The following CPNE8 variants were observed in gnomAD, a reference collection of about 807,000 sequenced individuals.
CPNE8 encodes copine-8.
In CPNE8, 45 loss-of-function variants were observed where a neutral mutation model predicts 81.5. That is an observed-to-expected ratio of 0.55 (90% CI 0.44 to 0.71). The LOEUF (loss-of-function observed/expected upper bound fraction) is 0.71. CPNE8 is among the 30% of genes least tolerant of loss of function. CPNE8 has a pLI of 0.00. For missense variants in CPNE8, 594 were observed against 672.1 expected (o/e 0.88, Z 1.28); for synonymous variants, 252 against 226.3 (o/e 1.11, Z -1.02).
chr12:38,837,480 A>G (rs1943402437), intron 5 of CPNE8, among the ~76,000 whole-genome samples: 1 of 152,142 alleles, frequency 6.6e-6, no homozygotes, highest in African/African-American at 2.4e-5. Flanking sequence ...GTCATCAGGT[A>G]TGGTAGGGAC....
At chr12:38,766,105 G>T (rs1376764262) in intron 8 of CPNE8, among the ~76,000 whole-genome samples, 1 of 152,086 alleles carries the variant, frequency 6.6e-6, no homozygotes, top group African/African-American at 2.4e-5. Flanking sequence ...TGATCCGCCT[G>T]CCTCGGCCTC....
chr12:38,818,049 G>T (rs1273818984), intron 6 of CPNE8, among the ~76,000 whole-genome samples: 1 of 152,098 alleles, frequency 6.6e-6, no homozygotes, highest in Non-Finnish European at 1.5e-5. Context: ...TGATGAAATG[G>T]GTATAATAAC....
intron 6 of CPNE8, among the ~76,000 whole-genome samples, chr12:38,797,892 C>T (rs553492365): frequency 3.3e-5 from 5 of 152,106 alleles, no homozygotes; most frequent in East Asian, 1.9e-4. Context: ...TCGAGAACTA[C>T]GTGAAGAATG....
chr12:38,824,679 A>G (rs1943161795), intron 6 of CPNE8, among the ~76,000 whole-genome samples: 1 of 152,348 alleles, frequency 6.6e-6, no homozygotes, highest in Admixed American at 6.5e-5. Flanking sequence ...AGGTACTTGG[A>G]TAATGCTACT....
chr12:38,675,667 A>G (rs1939271341), intron 18 of CPNE8, 50 bp downstream of exon 18: 1 of 1,153,918 alleles, frequency 8.7e-7, no homozygotes, highest in African/African-American at 1.5e-5. Context: ...AGCATGTTAC[A>G]TTAGATTAAA....
At chr12:38,671,394 T>C (rs1939173184) in intron 18 of CPNE8, among the ~76,000 whole-genome samples, 1 of 152,172 alleles carries the variant, frequency 6.6e-6, no homozygotes, top group Non-Finnish European at 1.5e-5. Context: ...TTTTCTGAAG[T>C]ACAATTTTTT....
chr12:38,840,729 A>G (rs573123177), intron 4 of CPNE8, among the ~76,000 whole-genome samples: 5 of 152,192 alleles, frequency 3.3e-5, no homozygotes, highest in African/African-American at 7.2e-5. Flanking sequence ...GGAAACAAAC[A>G]TATTTACATA....
intron 7 of CPNE8, among the ~76,000 whole-genome samples, chr12:38,770,590 G>A (rs941413142): frequency 6.6e-6 from 1 of 152,136 alleles, no homozygotes; most frequent in Non-Finnish European, 1.5e-5. Context: ...TAGGAAAAAT[G>A]CAGAACCTTT....
At position 38,848,707 on chromosome 12, in the gene CPNE8, A is replaced by G. The variant is rs111338151; in HGVS notation, c.187-45T>C. ...ATTTAAAATTAAACCTTGTACGGCT[A>G]CTTATTACAAGTATAGTACTTAATA... On this transcript the variant is annotated intron_variant, in intron 3 of 19. Transcript: ENST00000331366. 2.3e-5 allele frequency: 35 copies of G among 1,535,964 alleles called. 1 individual carries two copies. In the African/African-American group the frequency reaches 3.1e-4, roughly 14 times the overall value.
At chr12:38,700,936 A>G (rs1308388822) in intron 14 of CPNE8, among the ~76,000 whole-genome samples, 1 of 152,152 alleles carries the variant, frequency 6.6e-6, no homozygotes, top group Admixed American at 6.6e-5. Flanking sequence ...GCCATGTAGA[A>G]CTGTGAGTGA....
At chr12:38,854,169 A>C (rs1214962584) in intron 3 of CPNE8, among the ~76,000 whole-genome samples, 1 of 151,990 alleles carries the variant, frequency 6.6e-6, no homozygotes, top group Non-Finnish European at 1.5e-5. Context: ...GACTATAAAT[A>C]TCCAACTTGC....
intron 7 of CPNE8, among the ~76,000 whole-genome samples, chr12:38,774,195 TG>T (rs1329899503): frequency 6.6e-6 from 1 of 152,138 alleles, no homozygotes; most frequent in Non-Finnish European, 1.5e-5. Context: ...ACTCAACCTG[TG>T]TCTTGGTATC....
At chr12:38,845,818 A>G (rs1179886151) in intron 4 of CPNE8, among the ~76,000 whole-genome samples, 2 of 152,094 alleles carry the variant, frequency 1.3e-5, no homozygotes, top group Non-Finnish European at 2.9e-5. Flanking sequence ...TGGACTTGTT[A>G]CTCCTCTTGA....
At chr12:38,905,812 C>T (rs1108124), upstream of CPNE8, 12,679 of 985,242 alleles carry the variant, frequency 0.013, 816 homozygotes, top group East Asian at 0.32. Context: ...GCAGCCCGGG[C>T]GGGGGACACA....
chr12:38,656,531 T>G (rs2136629636), intron 19 of CPNE8, among the ~76,000 whole-genome samples: 1 of 152,232 alleles, frequency 6.6e-6, no homozygotes, highest in South Asian at 2.1e-4. Context: ...CTCATTTAAG[T>G]TTTTACCTCC....
intron 13 of CPNE8, among the ~76,000 whole-genome samples, chr12:38,722,273 A>G (rs1402229408): frequency 6.6e-6 from 1 of 152,202 alleles, no homozygotes; most frequent in Non-Finnish European, 1.5e-5. Flanking sequence ...GAGTTGGCAA[A>G]CTTTTTTTTC....
intron 6 of CPNE8, among the ~76,000 whole-genome samples, chr12:38,809,542 A>G (rs1438958688): frequency 6.6e-6 from 1 of 152,218 alleles, no homozygotes; most frequent in African/African-American, 2.4e-5. Context: ...ACAACATAAC[A>G]TAACTATAGT....
At chr12:38,850,927 A>T (rs1231384491) in intron 3 of CPNE8, among the ~76,000 whole-genome samples, 1 of 152,196 alleles carries the variant, frequency 6.6e-6, no homozygotes, top group Non-Finnish European at 1.5e-5. Context: ...CAGTATTAAG[A>T]TATAGAGCAT....
chr12:38,730,333 T>C lies in CPNE8; in HGVS notation c.748A>G (p.Thr250Ala), dbSNP rs759948695. ...GSHDFIGEFT[T>A]SYRELSRGQS... ...CCTCTAGAAAGTTCCCTATAGCTTGTTGTAAATTCTCCAATGAAATCATGA... is the reference window on the plus strand; with the variant it reads ...CCTCTAGAAAGTTCCCTATAGCTTGCTGTAAATTCTCCAATGAAATCATGA... Residue 250 changes from threonine to alanine, a missense_variant, in exon 11 of 20, where the codon ACA becomes GCA. By Grantham distance (58) the Thr-to-Ala change is moderately conservative. Transcript: ENST00000331366. The C allele has an allele frequency of 2.5e-5, 39 of 1,591,258 alleles. No homozygotes were observed. The highest frequency in any genetic ancestry group is 6.8e-5 in the Admixed American group (4 of 58,882).
Sources: allele counts gnomAD v4.1 joint callset (sites outside exome capture counted in the v4.1 genomes callset), GRCh38; gene constraint gnomAD v4.1.1; transcripts MANE v1.5; gene names NCBI Gene and HGNC (gene_info 2026-07-23, HGNC 2026-07-21).